Variants in CTNNA3 observed in about 807,000 individuals in gnomAD.
CTNNA3 encodes the protein catenin alpha 3, also known as catenin alpha-3.
CTNNA3 carries 76 observed loss-of-function variants against 95.7 expected under a neutral mutation model. The observed-to-expected ratio is 0.79, with a 90% CI of 0.66 to 0.96. CTNNA3 has a LOEUF of 0.96. CTNNA3 is among the 40% of genes least tolerant of loss of function. The pLI is 0.00. For synonymous variants in CTNNA3, 431 were observed against 374.4 expected, an observed-to-expected ratio of 1.15 and a Z score of -1.74; for missense variants, 1,191 against 1,089.8, an observed-to-expected ratio of 1.09 and a Z score of -1.31.
intron 10 of CTNNA3, among the ~76,000 whole-genome samples, chr10:66,561,876 C>T (rs776101579): frequency 2.6e-5 from 4 of 151,962 alleles, no homozygotes; most frequent in East Asian, 1.9e-4. Flanking sequence ...ATTTGAATTG[C>T]TCTATATTGT....
At chr10:65,931,115 TA>T (rs1251112645) in intron 17 of CTNNA3, among the ~76,000 whole-genome samples, 1 of 152,200 alleles carries the variant, frequency 6.6e-6, no homozygotes, top group Non-Finnish European at 1.5e-5. Flanking sequence ...CTTGACCCTA[TA>T]AACTATGTCA....
intron 9 of CTNNA3, among the ~76,000 whole-genome samples, chr10:66,662,157 T>C (rs903075676): frequency 2.6e-5 from 4 of 152,224 alleles, no homozygotes; most frequent in Non-Finnish European, 5.9e-5. Context: ...CTCTATTTTA[T>C]CTGGCAAGTC....
intron 7 of CTNNA3, among the ~76,000 whole-genome samples, chr10:66,978,239 T>C (rs1210521642): frequency 2.0e-5 from 3 of 151,830 alleles, no homozygotes; most frequent in South Asian, 2.1e-4. Flanking sequence ...CAATATTGTA[T>C]TGTGGGCCAA....
chr10:66,630,853 A>G (rs1468073663), intron 9 of CTNNA3, among the ~76,000 whole-genome samples: 1 of 152,170 alleles, frequency 6.6e-6, no homozygotes, highest in Non-Finnish European at 1.5e-5. Context: ...GCAGGGAAAC[A>G]ATTTCATCAA....
chr10:66,369,582 C>T (rs543274790), intron 12 of CTNNA3, among the ~76,000 whole-genome samples: 1 of 151,972 alleles, frequency 6.6e-6, no homozygotes, highest in East Asian at 1.9e-4. Flanking sequence ...TAATTTTTTC[C>T]CAAGTGAAAG....
chr10:66,316,695 C>T (rs2092105997), intron 12 of CTNNA3, among the ~76,000 whole-genome samples: 1 of 152,030 alleles, frequency 6.6e-6, no homozygotes, highest in African/African-American at 2.4e-5. Context: ...GACAGTGGCC[C>T]AGGTGGGAAT....
intron 9 of CTNNA3, among the ~76,000 whole-genome samples, chr10:66,655,801 C>T (rs1182266501): frequency 1.3e-5 from 2 of 151,982 alleles, no homozygotes; most frequent in Admixed American, 6.6e-5. Flanking sequence ...AGTCTCAAAA[C>T]TCATCTTAAG....
chr10:66,785,020 C>A (rs1432987783), intron 7 of CTNNA3, among the ~76,000 whole-genome samples: 1 of 152,170 alleles, frequency 6.6e-6, no homozygotes, highest in Non-Finnish European at 1.5e-5. Context: ...AACATTTGAG[C>A]ATTTTTCATG....
At chr10:67,369,582 T>C (rs1187529234) in intron 5 of CTNNA3, among the ~76,000 whole-genome samples, 3 of 152,120 alleles carry the variant, frequency 2.0e-5, no homozygotes, top group African/African-American at 7.2e-5. Context: ...AAAAGTGTAA[T>C]TGCAAGTCAT....
chr10:66,279,178 C>T (rs764061251), intron 13 of CTNNA3, among the ~76,000 whole-genome samples: 6 of 151,984 alleles, frequency 3.9e-5, no homozygotes, highest in Non-Finnish European at 8.8e-5. Context: ...TGCCAGACTC[C>T]GTAATATTTA....
At chr10:67,148,269 C>G (rs1487346509) in intron 7 of CTNNA3, among the ~76,000 whole-genome samples, 3 of 152,160 alleles carry the variant, frequency 2.0e-5, no homozygotes, top group Non-Finnish European at 4.4e-5. Context: ...AAAACCAAAT[C>G]CAGCCTTAGG....
At chr10:66,711,660 T>C (rs1848300413) in intron 9 of CTNNA3, among the ~76,000 whole-genome samples, 1 of 152,090 alleles carries the variant, frequency 6.6e-6, no homozygotes, top group Admixed American at 6.6e-5. Flanking sequence ...GTGATTCTCC[T>C]GTCTCAGCCT....
At chr10:66,011,059 T>A (rs777665661) in intron 15 of CTNNA3, among the ~76,000 whole-genome samples, 9 of 152,188 alleles carry the variant, frequency 5.9e-5, no homozygotes, top group Non-Finnish European at 8.8e-5. Context: ...GCTAATCTTG[T>A]GTTGATTTGA....
intron 9 of CTNNA3, among the ~76,000 whole-genome samples, chr10:66,660,207 T>TGAC (rs1257528658): frequency 1.3e-5 from 2 of 152,124 alleles, no homozygotes; most frequent in Non-Finnish European, 2.9e-5. Context: ...ATACAACTGG[T>TGAC]GACTGCTCAT....
intron 11 of CTNNA3, among the ~76,000 whole-genome samples, chr10:66,403,248 C>T (rs997463233): frequency 1.3e-5 from 2 of 152,130 alleles, no homozygotes; most frequent in African/African-American, 4.8e-5. Flanking sequence ...CCTTGCTTGG[C>T]ACCCTGCAAT....
At chr10:67,059,302 T>C (rs906744007) in intron 7 of CTNNA3, among the ~76,000 whole-genome samples, 1 of 152,202 alleles carries the variant, frequency 6.6e-6, no homozygotes, top group East Asian at 1.9e-4. Context: ...ATGTTAGTGA[T>C]GTCAAAAATG....
chr10:67,674,942 T>A lies in CTNNA3; in HGVS notation c.-6+21058A>T, dbSNP rs549964892. ...CCTTGAACATTGTAACATCTGTATATGAAAGTTCCATTTTCTTCATATCCT... is the reference window on the plus strand; with the variant it reads ...CCTTGAACATTGTAACATCTGTATAAGAAAGTTCCATTTTCTTCATATCCT... On this transcript the variant is annotated intron_variant, in intron 1 of 17. Coordinates refer to ENST00000433211, the MANE Select transcript of CTNNA3 (RefSeq NM_013266.4). Among the ~76,000 whole-genome samples the A allele has an allele frequency of 3.3e-5, 5 of 152,266 alleles. No homozygotes were observed. In the South Asian group the frequency reaches 8.3e-4, roughly 25 times the overall value.
At chr10:66,695,917 G>GA (rs71035168) in intron 9 of CTNNA3, among the ~76,000 whole-genome samples, 2 of 4,094 alleles carry the variant, frequency 4.9e-4, no homozygotes, top group Admixed American at 4.3e-3. Context: ...AGAGACGTAA[G>GA]GGGGGGGGGC....
intron 14 of CTNNA3, among the ~76,000 whole-genome samples, chr10:66,072,011 C>T (rs1385624524): frequency 6.6e-6 from 1 of 152,152 alleles, no homozygotes; most frequent in Non-Finnish European, 1.5e-5. Context: ...GTGATATATG[C>T]TTTGCAGCTC....
Sources: allele counts gnomAD v4.1 joint callset (sites outside exome capture counted in the v4.1 genomes callset), GRCh38; gene constraint gnomAD v4.1.1; transcripts MANE v1.5; gene names NCBI Gene and HGNC (gene_info 2026-07-23, HGNC 2026-07-21).